RNPEPL1: variants seen among roughly 807,000 people sequenced by gnomAD.
The protein encoded by RNPEPL1 is arginyl aminopeptidase like 1.
In RNPEPL1, 46 loss-of-function variants were observed where a neutral mutation model predicts 69.0. The ratio of observed to expected loss-of-function variants is 0.67; its 90% CI spans 0.53 to 0.85. The LOEUF is 0.85. Ranked by LOEUF, RNPEPL1 falls within the 40% of genes least tolerant of loss-of-function variation. The probability of loss-of-function intolerance (pLI) is 0.00; values close to 1 mark genes in which losing one functional copy is unlikely to be tolerated. For synonymous variants in RNPEPL1, 525 were observed against 454.1 expected (o/e 1.16, Z -1.98); for missense variants, 869 against 992.5 (o/e 0.88, Z 1.67).
In RNPEPL1 at chr2:240,575,575, C is replaced by T. The variant is rs766122737; in HGVS notation, c.1475C>T (p.Pro492Leu). The T allele has an allele frequency of 1.5e-5, 24 of 1,613,428 alleles. No individual in the cohort carries two copies. Among genetic ancestry groups the T allele is most frequent in the East Asian group, 2.2e-5 (1 of 44,886 alleles). ...DLLDSFLSFF[P>L]ELKEQSVDCR... ...CTGGACTCCTTCCTGAGCTTCTTCCCGGAGCTGAAGGAGCAGAGCGTGGAC... is the reference window on the plus strand; with the variant it reads ...CTGGACTCCTTCCTGAGCTTCTTCCTGGAGCTGAAGGAGCAGAGCGTGGAC... Residue 492 changes from proline (P) to leucine (L), a missense_variant, in exon 8 of 11, where the codon CCG becomes CTG. Pro to Leu is a moderately conservative substitution (Grantham distance 98). Coordinates refer to ENST00000270357, the MANE Select transcript of RNPEPL1 (RefSeq NM_018226.6).
chr2:240,571,309 C>T lies in RNPEPL1; in HGVS notation c.529-1114C>T, dbSNP rs377159616. ...GGCAGCCCTCCTGGTCTGGGATCCTCCAGGCCTCAGCTGTGGATTCCACTT... is the reference window on the plus strand; with the variant it reads ...GGCAGCCCTCCTGGTCTGGGATCCTTCAGGCCTCAGCTGTGGATTCCACTT... On this transcript the variant is annotated intron_variant, in intron 1 of 10. Coordinates refer to ENST00000270357, the MANE Select transcript of RNPEPL1 (RefSeq NM_018226.6). Among the ~76,000 whole-genome samples, 15 of 152,270 alleles carry T rather than the reference C, an allele frequency of 9.9e-5. No homozygotes were observed. In the East Asian group the frequency reaches 1.2e-3, roughly 12 times the overall value.
Position 240,575,136 on chromosome 2 carries a change from TC to T in RNPEPL1, c.1396del (p.Leu466SerfsTer23), listed in dbSNP as rs1408479705. ...CGDPQRFDDFLRAYVEKYKFT... is the reference protein window; with the variant it reads ...CGDPQRFDDFXRAYVEKYKFT... ...GAGACCCACAGCGCTTTGATGACTTTCTCCGAGTGAGCAGCCCCCTGCCCGG... is the reference window on the plus strand; with the variant it reads ...GAGACCCACAGCGCTTTGATGACTTTTCCGAGTGAGCAGCCCCCTGCCCGG... On this transcript the variant is annotated frameshift_variant, in exon 7 of 11. Transcript: ENST00000270357. LOFTEE classifies it high-confidence loss of function. 1.2e-6 allele frequency: 2 copies of T among 1,611,850 alleles called. No homozygotes were observed. The highest frequency in any genetic ancestry group is 2.2e-5 in the South Asian group (2 of 91,054).
intron 7 of RNPEPL1, 52 bp downstream of exon 7, chr2:240,575,194 T>A: frequency 7.0e-7 from 1 of 1,418,448 alleles, no homozygotes; most frequent in Non-Finnish European, 1.0e-6. Context: ...CCCCAGCCCC[T>A]CCCCGGCTCA....
Position 240,580,531 on chromosome 2 carries a change from A to C in RNPEPL1, c.*2639A>C, listed in dbSNP as rs1202579086. On this transcript the variant is annotated 3_prime_UTR_variant, in exon 11 of 11. Coordinates refer to ENST00000270357, the MANE Select transcript of RNPEPL1 (RefSeq NM_018226.6). ...CCTCAGGCTGGCAGGGGAAGGGGGG[A>C]TTCTCTTCAATGTGACCACTCTCGG... The C allele has an allele frequency of 6.6e-6, 1 of 152,140 alleles. No homozygotes were observed. The highest frequency in any genetic ancestry group is 2.4e-5 in the African/African-American group (1 of 41,378). 9.4% of individuals were successfully genotyped at this position (152,140 alleles called of 1,614,324 possible).
chr2:240,570,748 C>T (rs2093018906), intron 1 of RNPEPL1, among the ~76,000 whole-genome samples: 1 of 152,210 alleles, frequency 6.6e-6, no homozygotes, highest in Admixed American at 6.5e-5. Flanking sequence ...AGCCTTGTTC[C>T]TTTTCCACCA....
At chr2:240,573,937 C>T (rs1559416606) in intron 4 of RNPEPL1, 46 bp downstream of exon 4, 1 of 1,532,414 alleles carries the variant, frequency 6.5e-7, no homozygotes, top group Non-Finnish European at 8.9e-7. Context: ...AAGGAGGAGT[C>T]AGAGGGGGAG....
chr2:240,577,588 C>T lies in RNPEPL1; in HGVS notation c.1885-11C>T, dbSNP rs1389899214. ...GGAGCCCACCAGTGTGACCGAGTGC[C>T]CCTCCTGCAGATGTCACGCATGTAC... On this transcript the variant is annotated splice_polypyrimidine_tract_variant and intron_variant, in intron 10 of 10. Transcript: ENST00000270357. 6.5e-7 allele frequency: 1 copy of T among 1,546,744 alleles called. No homozygotes were observed. Among genetic ancestry groups the T allele is most frequent in the Non-Finnish European group, 8.8e-7 (1 of 1,137,812 alleles).
intron 7 of RNPEPL1, 53 bp downstream of exon 7, chr2:240,575,195 C>T (rs1288271858): frequency 1.4e-6 from 2 of 1,407,362 alleles, no homozygotes; most frequent in Non-Finnish European, 2.0e-6. Flanking sequence ...CCCAGCCCCT[C>T]CCCGGCTCAC....
At position 240,574,347 on chromosome 2, in the gene RNPEPL1, C is replaced by T. The variant is rs748506691; in HGVS notation, c.1173C>T (p.Tyr391=). 1.8e-5 allele frequency: 29 copies of T among 1,597,784 alleles called. No homozygotes were observed. Among genetic ancestry groups the T allele is most frequent in the Non-Finnish European group, 2.3e-5 (27 of 1,177,348 alleles). The change falls in exon 5 of 11, where the codon TAC becomes TAT. Residue 391 remains tyrosine (Y), a splice_region_variant and synonymous_variant. Transcript: ENST00000270357. ...AGCGCCGTATCACCACCGAGACCTA[C>T]GGTGCGGCCAGGGCCGGGGAGGGCA... is the stretch of plus-strand genomic sequence containing the variant. ...YAQRRITTET[Y]GAAFTCLETA...
In RNPEPL1 at chr2:240,578,414, T is replaced by G. The variant is rs2093044110; in HGVS notation, c.*522T>G. 6.6e-6 allele frequency: 1 copy of G among 151,890 alleles called. No homozygotes were observed. Among genetic ancestry groups the G allele is most frequent in the African/African-American group, 2.4e-5 (1 of 41,406 alleles). 9.4% of individuals were successfully genotyped at this position (151,890 alleles called of 1,614,324 possible). A position where few individuals can be genotyped will look rare whatever the true frequency, so the allele number is the denominator to read the frequency against. On this transcript the variant is annotated 3_prime_UTR_variant, in exon 11 of 11. Coordinates refer to ENST00000270357, the MANE Select transcript of RNPEPL1 (RefSeq NM_018226.6). ...CAAGGACACAGACATTCCCTCAGTG[T>G]GGGGGGCAGGGGACACAGGGAGAGG...
chr2:240,580,030 A>C lies in RNPEPL1; in HGVS notation c.*2138A>C, dbSNP rs1408757531. 1 of 152,248 alleles carries C rather than the reference A, an allele frequency of 6.6e-6. No homozygotes were observed. Among genetic ancestry groups the C allele is most frequent in the Non-Finnish European group, 1.5e-5 (1 of 68,104 alleles). 9.4% of individuals were successfully genotyped at this position (152,248 alleles called of 1,614,324 possible). A position where few individuals can be genotyped will look rare whatever the true frequency, so the allele number is the denominator to read the frequency against. ...CCAGCGTCATGACCCTGGGGGCAGG[A>C]GGGCATCTGGATCCAGGATGGCACC... On this transcript the variant is annotated 3_prime_UTR_variant, in exon 11 of 11. Coordinates refer to ENST00000270357, the MANE Select transcript of RNPEPL1 (RefSeq NM_018226.6).
intron 1 of RNPEPL1, among the ~76,000 whole-genome samples, chr2:240,572,137 G>A (rs553467413): frequency 1.3e-5 from 2 of 152,374 alleles, no homozygotes; most frequent in South Asian, 2.1e-4. Flanking sequence ...GGCGTTAGCT[G>A]GGAGATGCCC....
At position 240,576,936 on chromosome 2, in the gene RNPEPL1, C is replaced by T; in HGVS notation, c.1830C>T (p.Val610=). 6.2e-7 allele frequency: 1 copy of T among 1,613,508 alleles called. No homozygotes were observed. Among genetic ancestry groups the T allele is most frequent in the Non-Finnish European group, 8.5e-7 (1 of 1,179,972 alleles). ...EIRIRWLQIV[V]RNDYYPDLHR... is the part of the protein sequence containing the mutation. The stretch of plus-strand genomic sequence containing the variant: ...GCATCCGCTGGCTGCAGATTGTGGT[C>T]CGCAACGACTACTATCCTGACCTCC... Residue 610 remains valine (V), a synonymous_variant, in exon 10 of 11, where the codon GTC becomes GTT. Transcript: ENST00000270357.
In RNPEPL1 at chr2:240,576,930, T is replaced by G; in HGVS notation, c.1824T>G (p.Ile608Met). Residue 608 changes from isoleucine to methionine, a missense_variant, in exon 10 of 11, where the codon ATT (isoleucine) becomes ATG (methionine). Coordinates refer to ENST00000270357, the MANE Select transcript of RNPEPL1 (RefSeq NM_018226.6). Reference sequence around the variant, plus strand: ...AGATCCGCATCCGCTGGCTGCAGATTGTGGTCCGCAACGACTACTATCCTG... The same window carrying G: ...AGATCCGCATCCGCTGGCTGCAGATGGTGGTCCGCAACGACTACTATCCTG... ...NAEIRIRWLQ[I>M]VVRNDYYPDL... 1.9e-6 allele frequency: 3 copies of G among 1,613,518 alleles called. No individual in the cohort carries two copies. Among genetic ancestry groups the G allele is most frequent in the Non-Finnish European group, 2.5e-6 (3 of 1,179,966 alleles).
chr2:240,573,509 C>T (rs1324210921), intron 3 of RNPEPL1, among the ~76,000 whole-genome samples: 1 of 152,256 alleles, frequency 6.6e-6, no homozygotes, highest in Non-Finnish European at 1.5e-5. Context: ...GGCCCCCGCA[C>T]AGCCTGGCAC....
intron 5 of RNPEPL1, 61 bp downstream of exon 5, chr2:240,574,409 G>A: frequency 1.3e-6 from 2 of 1,563,078 alleles, no homozygotes; most frequent in Non-Finnish European, 8.7e-7. Flanking sequence ...CAGGGGCAGA[G>A]AGCCTAGCCT....
rs2093029473 is a variant in RNPEPL1 at position 240,573,770 on chromosome 2, A to G, written c.822-5A>G. ...GCCTCAGCTCACCCTCTCTGCATGC[A>G]CCAGGAGCCGCGTGTGGGCCGAGCC... On this transcript the variant is annotated splice_polypyrimidine_tract_variant and splice_region_variant and intron_variant, in intron 3 of 10. Coordinates refer to ENST00000270357, the MANE Select transcript of RNPEPL1 (RefSeq NM_018226.6). The G allele has an allele frequency of 6.5e-7, 1 of 1,531,540 alleles. No homozygotes were observed. 94.9% of individuals were successfully genotyped at this position (1,531,540 alleles called of 1,614,324 possible).
chr2:240,576,774 C>G lies in RNPEPL1; in HGVS notation c.1741+9C>G. On this transcript the variant is annotated intron_variant, in intron 9 of 10. Transcript: ENST00000270357. ...GTCCCCGCTGCCGCAGGGTGAGTCC[C>G]TGCAGCTGATGGGGGCGGCCCAGGG... 6.2e-7 allele frequency: 1 copy of G among 1,612,690 alleles called. No homozygotes were observed. Among genetic ancestry groups the G allele is most frequent in the Non-Finnish European group, 8.5e-7 (1 of 1,179,766 alleles).
chr2:240,578,258 A>C lies in RNPEPL1; in HGVS notation c.*366A>C. 8.1e-5 allele frequency: 15 copies of C among 185,266 alleles called. No individual in the cohort carries two copies. The highest frequency in any genetic ancestry group is 6.4e-4 in the East Asian group (5 of 7,800). The allele number at this position is 185,266 out of a possible 1,614,324, so 11.5% of individuals were successfully genotyped here. ...ATGGTGACCGCCACACTGTGCCTTA[A>C]TGTCTGCCGGGGGCCCAGGCTGTGC... On this transcript the variant is annotated 3_prime_UTR_variant, in exon 11 of 11. Transcript: ENST00000270357.
Sources: allele counts gnomAD v4.1 joint callset (sites outside exome capture counted in the v4.1 genomes callset), GRCh38; gene constraint gnomAD v4.1.1; transcripts MANE v1.5; gene names NCBI Gene and HGNC (gene_info 2026-07-23, HGNC 2026-07-21).